Variants in LYST observed in about 807,000 individuals in gnomAD.
LYST encodes the protein lysosomal trafficking regulator, also known as lysosomal-trafficking regulator.
Under a neutral mutation model 413.6 loss-of-function variants are expected in LYST, and 192 were observed. The ratio of observed to expected loss-of-function variants is 0.46; its 90% CI spans 0.41 to 0.52. The LOEUF is 0.52. LYST is among the 20% of genes least tolerant of loss of function. The pLI, the probability that LYST is intolerant of heterozygous loss-of-function variation, is 0.00. For synonymous variants in LYST, 1,525 were observed against 1,567.3 expected (o/e 0.97, Z 0.64); for missense variants, 3,815 against 4,499.9 (o/e 0.85, Z 4.35).
chr1:235,733,351 C>T, intron 34 of LYST, 152 bp downstream of exon 34: 1 of 698,804 alleles, frequency 1.4e-6, no homozygotes, highest in Non-Finnish European at 2.4e-6. Context: ...TATGATTATT[C>T]TTTAAGATGA....
intron 14 of LYST, among the ~76,000 whole-genome samples, chr1:235,784,541 C>T (rs1670211755): frequency 6.6e-6 from 1 of 152,102 alleles, no homozygotes; most frequent in Admixed American, 6.5e-5. Flanking sequence ...TCCCTAGGGT[C>T]AGAGTTTAGG....
In LYST at chr1:235,672,094, G is replaced by C. The variant is rs553532843; in HGVS notation, c.11038+4997C>G. On this transcript the variant is annotated intron_variant, in intron 50 of 52. Transcript: ENST00000389793. ...ACTCAGGTTTTTGACCTGTCAACTG[G>C]GTGAATTCTGAAATTCAGAGATGAG... 2.6e-5 allele frequency among the ~76,000 whole-genome samples: 4 copies of C among 152,236 alleles called. No individual in the cohort carries two copies. The East Asian group carries it at 7.7e-4, about 29-fold the overall frequency.
Position 235,720,720 on chromosome 1 carries a change from T to C in LYST, c.9501A>G (p.Pro3167=). 6.2e-7 allele frequency: 1 copy of C among 1,613,812 alleles called. No homozygotes were observed. Among genetic ancestry groups the C allele is most frequent in the Non-Finnish European group, 8.5e-7 (1 of 1,179,712 alleles). Residue 3167 remains proline, a synonymous_variant, in exon 40 of 53, where the codon CCA becomes CCG. Coordinates refer to ENST00000389793, the MANE Select transcript of LYST (RefSeq NM_000081.4). ...FNDLMQYPVF[P]FILADYVSET... Reference sequence around the variant, plus strand: ...CACTAACGTAGTCAGCAAGTATAAATGGGAACACAGGATACTGCATGAGAT... The same window carrying C: ...CACTAACGTAGTCAGCAAGTATAAACGGGAACACAGGATACTGCATGAGAT...
intron 1 of LYST, among the ~76,000 whole-genome samples, chr1:235,859,136 T>C (rs1260065061): frequency 2.6e-5 from 4 of 152,216 alleles, no homozygotes; most frequent in African/African-American, 7.2e-5. Context: ...CTTATATCTA[T>C]ATCTACCCCA....
intron 50 of LYST, among the ~76,000 whole-genome samples, chr1:235,666,258 A>G (rs11590947): frequency 0.093 from 13,804 of 149,182 alleles, 645 homozygotes; most frequent in Middle Eastern, 0.16. Context: ...ACACACACAC[A>G]CACACACACA....
At chr1:235,753,369 G>T (rs1161370549) in intron 25 of LYST, 95 bp from the exon 26 acceptor site, 9 of 812,322 alleles carry the variant, frequency 1.1e-5, no homozygotes, top group Non-Finnish European at 1.9e-5. Flanking sequence ...ACTTGATTTT[G>T]AAGTCATAAA....
Position 235,775,032 on chromosome 1 carries a change from G to A in LYST, c.5515C>T (p.Leu1839Phe). Residue 1839 changes from leucine to phenylalanine, a missense_variant, in exon 18 of 53, where the codon CTC becomes TTC. Leu to Phe is a conservative substitution (Grantham distance 22). Coordinates refer to ENST00000389793, the MANE Select transcript of LYST (RefSeq NM_000081.4). ...ETQALALRVI[L>F]SLIKYNQQRV... ...TGTTGGTTGTATTTAATTAATGAGA[G>A]TATAACTCGCAGTGCTAATGCTTGA... 6.2e-7 allele frequency: 1 copy of A among 1,611,360 alleles called. No individual in the cohort carries two copies. The highest frequency in any genetic ancestry group is 8.5e-7 in the Non-Finnish European group (1 of 1,178,776).
chr1:235,881,576 C>T (rs1220585500), intron 1 of LYST, among the ~76,000 whole-genome samples: 1 of 152,002 alleles, frequency 6.6e-6, no homozygotes, highest in African/African-American at 2.4e-5. Context: ...ATGCAAGTGT[C>T]CATTGATAGA....
At position 235,782,019 on chromosome 1, in the gene LYST, G is replaced by A; in HGVS notation, c.4931C>T (p.Thr1644Ile). 2 of 1,612,642 alleles carry A rather than the reference G, an allele frequency of 1.2e-6. No individual in the cohort carries two copies. Among genetic ancestry groups the A allele is most frequent in the South Asian group, 2.2e-5 (2 of 91,078 alleles). Residue 1644 changes from threonine (T) to isoleucine (I), a missense_variant, in exon 15 of 53, where the codon ACA (threonine) becomes ATA (isoleucine). Coordinates refer to ENST00000389793, the MANE Select transcript of LYST (RefSeq NM_000081.4). ...TAAACAATGGCCAATCATGCAAAAT[G>A]TTTTATTGCTATCAGATGACAAACT... ...KTSLSSDSNK[T>I]FCMIGHCLSS...
intron 3 of LYST, among the ~76,000 whole-genome samples, chr1:235,817,804 C>T (rs774307680): frequency 1.4e-4 from 22 of 152,020 alleles, no homozygotes; most frequent in Non-Finnish European, 2.5e-4. Flanking sequence ...GTACACCAAA[C>T]CCCATGACAT....
intron 39 of LYST, among the ~76,000 whole-genome samples, chr1:235,721,682 T>C (rs535727278): frequency 2.0e-4 from 31 of 152,080 alleles, no homozygotes; most frequent in Admixed American, 3.3e-4. Context: ...CCACAGAGAA[T>C]AGAACATCCT....
At chr1:235,836,355 C>T (rs1676575489) in intron 1 of LYST, among the ~76,000 whole-genome samples, 1 of 152,082 alleles carries the variant, frequency 6.6e-6, no homozygotes, top group Admixed American at 6.5e-5. Flanking sequence ...CAAACATACA[C>T]TATAATGTCA....
At chr1:235,867,034 G>C (rs908412933), upstream of LYST, 1 of 151,768 alleles carries the variant, frequency 6.6e-6, no homozygotes, top group Non-Finnish European at 1.5e-5. Flanking sequence ...CCTTGGCTCC[G>C]CCTCGCGCGT....
intron 29 of LYST, 64 bp from the exon 30 acceptor site, chr1:235,744,221 T>C: frequency 1.2e-6 from 1 of 843,232 alleles, no homozygotes; most frequent in Non-Finnish European, 2.0e-6. Flanking sequence ...TTATAAATAG[T>C]AATAATACTG....
chr1:235,746,276 T>A, intron 29 of LYST, 60 bp downstream of exon 29: 1 of 1,476,468 alleles, frequency 6.8e-7, no homozygotes, highest in Non-Finnish European at 9.5e-7. Flanking sequence ...AGTTTCCTCT[T>A]AGATTACTTC....
intron 8 of LYST, among the ~76,000 whole-genome samples, chr1:235,802,193 CAAAAAAAAAAAAAAAA>C (rs35511208): frequency 2.2e-5 from 1 of 45,074 alleles, no homozygotes; most frequent in Non-Finnish European, 4.3e-5. Flanking sequence ...GACTCCATTT[CAAAAAAAAAAAAAAAA>C]AAAAAAAAAA....
At position 235,827,776 on chromosome 1, in the gene LYST, C is replaced by T. The variant is rs924060756; in HGVS notation, c.192+2450G>A. ...CAGGAAAAAAATATTTAACTTATGA[C>T]CTAAATAATTTTAGTCATTTAATAT... On this transcript the variant is annotated intron_variant, in intron 3 of 52. Coordinates refer to ENST00000389793, the MANE Select transcript of LYST (RefSeq NM_000081.4). The T allele has an allele frequency of 6.6e-6, 6 of 914,778 alleles. No homozygotes were observed. The South Asian group carries it at 2.5e-4, about 38-fold the overall frequency. 56.7% of individuals were successfully genotyped at this position (914,778 alleles called of 1,614,324 possible).
At chr1:235,832,921 T>C (rs1427650288) in intron 2 of LYST, among the ~76,000 whole-genome samples, 3 of 152,280 alleles carry the variant, frequency 2.0e-5, no homozygotes, top group African/African-American at 7.2e-5. Context: ...AACTGGTATA[T>C]AGTAGGCACA....
rs201398337 is a variant in LYST at position 235,808,451 on chromosome 1, A to T, written c.2363+4T>A. On this transcript the variant is annotated splice_donor_region_variant and intron_variant, in intron 5 of 52. Coordinates refer to ENST00000389793, the MANE Select transcript of LYST (RefSeq NM_000081.4). ...CCCCCGCCGCCACCCACACACATAC[A>T]AACCTGGATTTAAGCAGGATAGGCA... 1.9e-6 allele frequency: 3 copies of T among 1,612,436 alleles called. No homozygotes were observed. Among genetic ancestry groups the T allele is most frequent in the Non-Finnish European group, 2.5e-6 (3 of 1,179,340 alleles).
Sources: gnomAD v4.1 joint callset for allele counts (sites outside exome capture counted in the v4.1 genomes callset) on GRCh38, gnomAD v4.1.1 for gene constraint, MANE v1.5 for transcripts, NCBI Gene and HGNC (gene_info 2026-07-23, HGNC 2026-07-21) for gene names.